SLC52A3: variants seen among roughly 807,000 people sequenced by gnomAD.
SLC52A3 encodes solute carrier family 52, riboflavin transporter, member 3.
Under a neutral mutation model 29.5 loss-of-function variants are expected in SLC52A3, and 20 were observed. The observed-to-expected ratio is 0.68, with a 90% CI of 0.48 to 0.99. The LOEUF (loss-of-function observed/expected upper bound fraction) is 0.99, where lower values mean the gene tolerates loss of function less well. Ranked by LOEUF, SLC52A3 falls within the 50% of genes least tolerant of loss-of-function variation. SLC52A3 has a pLI of 0.00. For synonymous variants in SLC52A3, 301 were observed against 271.0 expected (o/e 1.11, Z -1.09); for missense variants, 548 against 612.9 (o/e 0.89, Z 1.12).
At chr20:779,767 C>T (rs560754972), upstream of SLC52A3, among the ~76,000 whole-genome samples, 1 of 152,334 alleles carries the variant, frequency 6.6e-6, no homozygotes, top group Non-Finnish European at 1.5e-5. Context: ...ACCTTATCTG[C>T]ACTTCTGTCT....
chr20:763,788 G>C lies in SLC52A3; in HGVS notation c.783C>G (p.Thr261=). 6.2e-7 allele frequency: 1 copy of C among 1,614,130 alleles called. No individual in the cohort carries two copies. The highest frequency in any genetic ancestry group is 8.5e-7 in the Non-Finnish European group (1 of 1,180,002). ...SVEDLLNDQV[T]LHSIRPREEN... Reference sequence around the variant, plus strand: ...CTTCCCGCGGCCGGATGGAGTGGAGGGTGACCTGGTCATTGAGGAGGTCTT... The same window carrying C: ...CTTCCCGCGGCCGGATGGAGTGGAGCGTGACCTGGTCATTGAGGAGGTCTT... The change falls in exon 3 of 5, where the codon ACC becomes ACG. Residue 261 remains threonine, a synonymous_variant. Coordinates refer to ENST00000645534, the MANE Select transcript of SLC52A3 (RefSeq NM_033409.4).
upstream of SLC52A3, chr20:776,134 T>A (rs1987020046): frequency 6.6e-6 from 1 of 152,222 alleles, no homozygotes; most frequent in Non-Finnish European, 1.5e-5. Flanking sequence ...AGGAGGAGGA[T>A]CCAGATGGTA....
intron 1 of SLC52A3, among the ~76,000 whole-genome samples, chr20:774,308 T>G (rs1724314093): frequency 6.6e-6 from 1 of 152,184 alleles, no homozygotes; most frequent in Non-Finnish European, 1.5e-5. Flanking sequence ...ATCTCACTCC[T>G]GGGCAAGGGT....
At chr20:761,644 C>T in intron 4 of SLC52A3, 57 bp downstream of exon 4, 1 of 1,607,466 alleles carries the variant, frequency 6.2e-7, no homozygotes, top group Admixed American at 1.7e-5. Context: ...CTCTCCCAGG[C>T]CTTGGCTAGG....
rs1166839560 is a variant in SLC52A3, at chr20:760,153, C to T, written c.*873G>A. On this transcript the variant is annotated 3_prime_UTR_variant, in exon 5 of 5. Coordinates refer to ENST00000645534, the MANE Select transcript of SLC52A3 (RefSeq NM_033409.4). This position sits in a 1 kb window ranked among gnomAD's most constrained non-coding sequence, Gnocchi z 4.9. ...AACAAAATAACAATCACCTCTGTTGCCTCCATTTGAGAGAATACTTCCAGG... is the reference window on the plus strand; with the variant it reads ...AACAAAATAACAATCACCTCTGTTGTCTCCATTTGAGAGAATACTTCCAGG... 6.6e-6 allele frequency: 1 copy of T among 152,188 alleles called. No homozygotes were observed. The highest frequency in any genetic ancestry group is 1.5e-5 in the Non-Finnish European group (1 of 68,050). The allele number at this position is 152,188 out of a possible 1,614,324, so 9.4% of individuals were successfully genotyped here. A position where few individuals can be genotyped will look rare whatever the true frequency, so the allele number is the denominator to read the frequency against.
chr20:760,991 G>T lies in SLC52A3; in HGVS notation c.*35C>A. 6.4e-7 allele frequency: 1 copy of T among 1,567,842 alleles called. No homozygotes were observed. The highest frequency in any genetic ancestry group is 8.6e-7 in the Non-Finnish European group (1 of 1,157,476). ...CCTGGCCTCTCTGGACCCCAGTTCCGTCCGTGAGCGATGGGGGCGGGGTCG... is the reference window on the plus strand; with the variant it reads ...CCTGGCCTCTCTGGACCCCAGTTCCTTCCGTGAGCGATGGGGGCGGGGTCG... On this transcript the variant is annotated 3_prime_UTR_variant, in exon 5 of 5. Transcript: ENST00000645534. The surrounding 1 kb of genome is among the most constrained non-coding windows in gnomAD (Gnocchi z 4.9).
rs1986628395 is a variant in SLC52A3, at chr20:765,060, A to G, written c.567+148T>C. 9.9e-6 allele frequency: 9 copies of G among 912,184 alleles called. No homozygotes were observed. In the Admixed American group the frequency reaches 1.8e-4, roughly 18 times the overall value. 56.5% of individuals were successfully genotyped at this position (912,184 alleles called of 1,614,324 possible). ...CATGCGTATGTATGTAAGTAATTAA[A>G]ATGAGTTTCCTGCTGTTGATCTGCC... is the stretch of plus-strand genomic sequence containing the variant. On this transcript the variant is annotated intron_variant, in intron 2 of 4. Transcript: ENST00000645534. The surrounding 1 kb of genome is among the most constrained non-coding windows in gnomAD (Gnocchi z 6.6).
chr20:775,540 G>A (rs775393319), intron 1 of SLC52A3, among the ~76,000 whole-genome samples: 3 of 152,110 alleles, frequency 2.0e-5, no homozygotes, highest in Non-Finnish European at 2.9e-5. Flanking sequence ...TCAGTCTCCA[G>A]AAGTGCTGGG....
chr20:766,619 AC>A (rs1386185641), intron 1 of SLC52A3, among the ~76,000 whole-genome samples: 11 of 151,472 alleles, frequency 7.3e-5, no homozygotes, highest in Admixed American at 5.3e-4. Flanking sequence ...CCAGGGAACA[AC>A]CCCCTTTGAC....
intron 1 of SLC52A3, 27 bp downstream of exon 1, chr20:768,270 C>T (rs1986750007): frequency 6.6e-6 from 1 of 152,156 alleles, no homozygotes; most frequent in African/African-American, 2.4e-5. Flanking sequence ...GGAAAAGATT[C>T]CCCTACTAGG....
upstream of SLC52A3, among the ~76,000 whole-genome samples, chr20:771,936 C>T (rs574096742): frequency 1.3e-5 from 2 of 152,114 alleles, no homozygotes; most frequent in African/African-American, 2.4e-5. Context: ...AGACAGCAGA[C>T]GAAGGTGCAA....
intron 3 of SLC52A3, 110 bp from the exon 4 acceptor site, chr20:761,934 A>C: frequency 6.5e-7 from 1 of 1,527,690 alleles, no homozygotes; most frequent in Non-Finnish European, 8.9e-7. Context: ...GTTTAGACCC[A>C]TGTGGAAAAT....
chr20:771,669 GAAA>G (rs10624782), upstream of SLC52A3, among the ~76,000 whole-genome samples: 3 of 128,624 alleles, frequency 2.3e-5, no homozygotes, highest in Admixed American at 8.0e-5. Context: ...GCAGAGATAT[GAAA>G]AAAAAAAAAA....
intron 4 of SLC52A3, 142 bp from the exon 5 acceptor site, chr20:761,380 G>A: frequency 3.9e-6 from 4 of 1,017,582 alleles, no homozygotes; most frequent in Admixed American, 2.8e-5. Flanking sequence ...AGCCTGCGGG[G>A]CCGACGGGTC....
chr20:772,853 G>A (rs79254734), upstream of SLC52A3, among the ~76,000 whole-genome samples: 7,406 of 152,252 alleles, frequency 0.049, 231 homozygotes, highest in South Asian at 0.1. Flanking sequence ...TGAAGGGAGT[G>A]TGGGAGTGAG....
chr20:764,843 T>C (rs1316284805), intron 2 of SLC52A3, among the ~76,000 whole-genome samples: 2 of 152,184 alleles, frequency 1.3e-5, no homozygotes, highest in African/African-American at 4.8e-5. Context: ...ATGGCCTTTA[T>C]CACCCGAGGA....
At chr20:778,161 G>A (rs1166545337), upstream of SLC52A3, among the ~76,000 whole-genome samples, 2 of 151,874 alleles carry the variant, frequency 1.3e-5, no homozygotes, top group African/African-American at 2.4e-5. Flanking sequence ...GATTATAGGC[G>A]CACGCCACCA....
intron 1 of SLC52A3, among the ~76,000 whole-genome samples, chr20:767,994 C>T (rs548515694): frequency 7.2e-5 from 11 of 152,308 alleles, no homozygotes; most frequent in African/African-American, 2.2e-4. Flanking sequence ...CTGCTGCTTA[C>T]AATCTGGGTG....
upstream of SLC52A3, among the ~76,000 whole-genome samples, chr20:772,712 C>G (rs1271874131): frequency 6.6e-6 from 1 of 151,898 alleles, no homozygotes; most frequent in Non-Finnish European, 1.5e-5. Flanking sequence ...TCCCTGCTCT[C>G]AGGAAGTTGG....
Sources: gnomAD v4.1 joint callset for allele counts (sites outside exome capture counted in the v4.1 genomes callset) on GRCh38, gnomAD v4.1.1 for gene constraint, Gnocchi (gnomAD v3.1) non-coding constraint, MANE v1.5 for transcripts, NCBI Gene and HGNC (gene_info 2026-07-23, HGNC 2026-07-21) for gene names.